Variants in SAGE1 observed in about 807,000 individuals in gnomAD.
SAGE1 encodes sarcoma antigen 1.
In SAGE1, 55 loss-of-function variants were observed where a neutral mutation model predicts 55.4. That is an observed-to-expected ratio of 0.99 (90% CI 0.80 to 1.24). SAGE1 has a LOEUF of 1.24. Ranked by LOEUF, SAGE1 falls within the 50% of genes most tolerant of loss-of-function variation. The probability of loss-of-function intolerance (pLI) is 0.00; values close to 1 mark genes in which losing one functional copy is unlikely to be tolerated. For synonymous variants in SAGE1, 240 were observed against 244.3 expected (o/e 0.98, Z 0.17); for missense variants, 710 against 704.4 (o/e 1.01, Z -0.09).
intron 2 of SAGE1, among the ~76,000 whole-genome samples, chrX:135,898,383 C>G (rs1271328997): frequency 8.9e-6 from 1 of 112,344 alleles, no homozygotes; most frequent in East Asian, 2.8e-4. Context: ...TTTCTTTATC[C>G]AGTCTATCAT....
intron 19 of SAGE1, 147 bp downstream of exon 19, chrX:135,912,561 A>C: frequency 8.8e-7 from 1 of 1,139,761 alleles, no homozygotes; most frequent in South Asian, 2.2e-5. Flanking sequence ...GGTTGATACT[A>C]TCTTATTCTA....
intron 2 of SAGE1, among the ~76,000 whole-genome samples, chrX:135,898,541 T>A (rs1431612243): frequency 8.9e-6 from 1 of 112,012 alleles, no homozygotes; most frequent in East Asian, 2.8e-4. Context: ...ATGATATTTC[T>A]GCCTCTAGAT....
chrX:135,899,425 G>A (rs189833739), intron 2 of SAGE1, among the ~76,000 whole-genome samples: 110 of 112,067 alleles, frequency 9.8e-4, no homozygotes, highest in African/African-American at 3.5e-3. Flanking sequence ...GTTAGGTAGC[G>A]TGATGCCTCC....
At chrX:135,904,187 C>T (rs1213856989) in intron 3 of SAGE1, among the ~76,000 whole-genome samples, 2 of 111,920 alleles carry the variant, frequency 1.8e-5, no homozygotes, top group African/African-American at 6.5e-5. Context: ...AGTATGGCAG[C>T]AGCTGGTATT....
intron 3 of SAGE1, among the ~76,000 whole-genome samples, chrX:135,903,628 G>A (rs1375853744): frequency 8.9e-6 from 1 of 112,474 alleles, no homozygotes; most frequent in African/African-American, 3.2e-5. Flanking sequence ...TGATAAGAGT[G>A]TTCAACTCCA....
At chrX:135,909,871 C>A in intron 14 of SAGE1, 92 bp downstream of exon 14, 1 of 996,803 alleles carries the variant, frequency 1.0e-6, no homozygotes, top group Non-Finnish European at 1.4e-6. Flanking sequence ...GTTGTATTAT[C>A]TTTCATGAGT....
At chrX:135,912,706 A>G (rs1556607139) in intron 19 of SAGE1, 92 bp from the exon 20 acceptor site, 1 of 1,131,932 alleles carries the variant, frequency 8.8e-7, no homozygotes, top group African/African-American at 1.9e-5. Flanking sequence ...TTGCATGTAG[A>G]TGGTAAATTC....
rs184889113 is a variant in SAGE1 at position 135,899,068 on chromosome X, G to A, written c.88-2491G>A. ...GCATTTTTGTCATGAAATCTTTGCCGGTGCCTATGTCCTGAATAGTATTGC... is the reference window on the plus strand; with the variant it reads ...GCATTTTTGTCATGAAATCTTTGCCAGTGCCTATGTCCTGAATAGTATTGC... On this transcript the variant is annotated intron_variant, in intron 2 of 19. Coordinates refer to ENST00000370709, the MANE Select transcript of SAGE1 (RefSeq NM_001381902.1). 3.0e-3 allele frequency among the ~76,000 whole-genome samples: 333 copies of A among 111,671 alleles called. 3 individuals are homozygous for A. The highest frequency in any genetic ancestry group is 0.01 in the African/African-American group (321 of 30,728).
chrX:135,908,202 A>G lies in SAGE1; in HGVS notation c.1273A>G (p.Ile425Val), dbSNP rs145952520. ...GCTTATTAACTTGGCAGGAGCTGGT[A>G]TTCCACCCATGAGTACCAGGGATCA... ...PELINLAGAG[I>V]PPMSTRDQYA... The change falls in exon 11 of 20, where the codon ATT becomes GTT. Residue 425 changes from isoleucine to valine, a missense_variant. Ile to Val is a conservative substitution (Grantham distance 29). Transcript: ENST00000370709. The G allele has an allele frequency of 2.1e-5, 25 of 1,207,768 alleles. No homozygotes were observed. Among genetic ancestry groups the G allele is most frequent in the Admixed American group, 4.4e-5 (2 of 45,648 alleles).
chrX:135,904,646 C>T (rs781930855), intron 4 of SAGE1, 77 bp downstream of exon 4: 449 of 592,932 alleles, frequency 7.6e-4, no homozygotes, highest in Non-Finnish European at 1.1e-3. Context: ...TACTGTCCTA[C>T]TTGGTTTCCA....
chrX:135,897,488 A>T (rs2088605025), intron 2 of SAGE1, among the ~76,000 whole-genome samples: 1 of 112,183 alleles, frequency 8.9e-6, no homozygotes, highest in East Asian at 2.8e-4. Context: ...CATGTAAAGC[A>T]TTGAGAACAG....
intron 19 of SAGE1, 101 bp from the exon 20 acceptor site, chrX:135,912,697 T>C: frequency 8.9e-7 from 1 of 1,122,579 alleles, no homozygotes; most frequent in African/African-American, 1.8e-5. Flanking sequence ...ATTTTCTGTT[T>C]GCATGTAGAT....
intron 2 of SAGE1, among the ~76,000 whole-genome samples, chrX:135,899,901 A>G (rs1343188023): frequency 4.5e-5 from 5 of 110,867 alleles, no homozygotes; most frequent in Non-Finnish European, 9.4e-5. Context: ...GGGCTGAGAC[A>G]ACGGGATTTT....
At position 135,911,922 on chromosome X, in the gene SAGE1, A is replaced by G; in HGVS notation, c.2490A>G (p.Gln830=). The G allele has an allele frequency of 8.3e-7, 1 of 1,209,350 alleles. No homozygotes were observed. The highest frequency in any genetic ancestry group is 1.1e-6 in the Non-Finnish European group (1 of 893,305). Residue 830 remains glutamine (Q), a synonymous_variant, in exon 18 of 20, where the codon CAA becomes CAG. Transcript: ENST00000370709. ...AAATTAATGATGATATAAAATATCAATTAATGAAAGAAGTTCGAAGGTTTG... is the reference window on the plus strand; with the variant it reads ...AAATTAATGATGATATAAAATATCAGTTAATGAAAGAAGTTCGAAGGTTTG... ...AKKINDDIKY[Q]LMKEVRRFGQ...
intron 10 of SAGE1, 106 bp downstream of exon 10, chrX:135,907,947 T>G (rs2088825844): frequency 2.3e-5 from 24 of 1,060,948 alleles, no homozygotes; most frequent in Non-Finnish European, 3.1e-5. Flanking sequence ...CTGGCCTCAA[T>G]TTTAGGGTTT....
chrX:135,905,439 A>G, intron 5 of SAGE1, 47 bp downstream of exon 5: 5 of 1,119,949 alleles, frequency 4.5e-6, no homozygotes, highest in Non-Finnish European at 6.0e-6. Flanking sequence ...TTCCATAAGC[A>G]TGGATATTTT....
chrX:135,909,598 T>C (rs201143793), intron 13 of SAGE1, 41 bp from the exon 14 acceptor site: 74 of 1,139,770 alleles, frequency 6.5e-5, no homozygotes, highest in Non-Finnish European at 7.9e-5. Flanking sequence ...ATTGACATAA[T>C]GCACTTACGT....
At chrX:135,894,244 G>A (rs1461883671) in intron 1 of SAGE1, among the ~76,000 whole-genome samples, 1 of 111,766 alleles carries the variant, frequency 8.9e-6, no homozygotes, top group Non-Finnish European at 1.9e-5. Flanking sequence ...AGCTAATTTT[G>A]TATTTGTAGT....
At chrX:135,905,447 T>A in intron 5 of SAGE1, 55 bp downstream of exon 5, 1 of 1,102,789 alleles carries the variant, frequency 9.1e-7, no homozygotes, top group Non-Finnish European at 1.2e-6. Context: ...GCATGGATAT[T>A]TTCATGAAAG....
Sources: allele counts gnomAD v4.1 joint callset (sites outside exome capture counted in the v4.1 genomes callset), GRCh38; gene constraint gnomAD v4.1.1; transcripts MANE v1.5; gene names NCBI Gene and HGNC (gene_info 2026-07-23, HGNC 2026-07-21).